The following COX7B2 variants were observed in gnomAD, a reference collection of about 807,000 sequenced individuals.
The protein encoded by COX7B2 is cytochrome c oxidase subunit 7B2.
For synonymous variants in COX7B2, 37 were observed against 32.1 expected (o/e 1.15, Z -0.51); for missense variants, 109 against 95.9 (o/e 1.14, Z -0.57).
chr4:46,769,069 C>T (rs974400692), intron 2 of COX7B2, among the ~76,000 whole-genome samples: 1 of 152,006 alleles, frequency 6.6e-6, no homozygotes, highest in Non-Finnish European at 1.5e-5. Context: ...ATCCTAGGAT[C>T]TGATCACTTT....
At chr4:46,794,555 G>A (rs1400390335) in intron 2 of COX7B2, among the ~76,000 whole-genome samples, 1 of 152,088 alleles carries the variant, frequency 6.6e-6, no homozygotes, top group Admixed American at 6.6e-5. Flanking sequence ...GGGAGCCCCA[G>A]CATCCTTAAA....
At chr4:46,891,733 T>C (rs1719439962) in intron 1 of COX7B2, among the ~76,000 whole-genome samples, 1 of 152,170 alleles carries the variant, frequency 6.6e-6, no homozygotes, top group African/African-American at 2.4e-5. Context: ...TTCAAACCTG[T>C]GTCACTAGGC....
chr4:46,789,187 T>C (rs1717905283), intron 2 of COX7B2, among the ~76,000 whole-genome samples: 1 of 152,174 alleles, frequency 6.6e-6, no homozygotes, highest in African/African-American at 2.4e-5. Context: ...AGCTAGTGTA[T>C]AGATTATCAA....
chr4:46,845,071 G>A (rs1716180118), intron 1 of COX7B2, 57 bp from the exon 2 acceptor site: 1 of 151,980 alleles, frequency 6.6e-6, no homozygotes, highest in Non-Finnish European at 1.5e-5. Context: ...GAAAAAGCCA[G>A]AGGTAAGTAC....
chr4:46,817,769 G>A (rs1719631390), intron 2 of COX7B2, among the ~76,000 whole-genome samples: 1 of 152,156 alleles, frequency 6.6e-6, no homozygotes. Context: ...CGGGACAGCT[G>A]AAAGAAGGGC....
chr4:46,798,989 A>G (rs1369243169), intron 2 of COX7B2, among the ~76,000 whole-genome samples: 3 of 152,136 alleles, frequency 2.0e-5, no homozygotes, highest in African/African-American at 7.2e-5. Flanking sequence ...TACTCTTGAT[A>G]TATCTGGCTC....
At chr4:46,893,009 T>A (rs990607447) in intron 1 of COX7B2, among the ~76,000 whole-genome samples, 2 of 152,192 alleles carry the variant, frequency 1.3e-5, no homozygotes, top group African/African-American at 4.8e-5. Context: ...TCTGCCATGA[T>A]TGTAAGTTTC....
intron 2 of COX7B2, among the ~76,000 whole-genome samples, chr4:46,816,564 CTTG>C (rs1033729287): frequency 2.0e-5 from 3 of 152,132 alleles, no homozygotes; most frequent in East Asian, 1.9e-4. Context: ...TTGTCTGAAA[CTTG>C]TTATCCCCTG....
chr4:46,759,102 G>A (rs1024518111), intron 2 of COX7B2, among the ~76,000 whole-genome samples: 2 of 152,010 alleles, frequency 1.3e-5, no homozygotes, highest in Non-Finnish European at 2.9e-5. Context: ...TAGACCCATA[G>A]AATTAAATGT....
At chr4:46,767,529 T>G (rs1716615345) in intron 2 of COX7B2, among the ~76,000 whole-genome samples, 1 of 152,116 alleles carries the variant, frequency 6.6e-6, no homozygotes, top group African/African-American at 2.4e-5. Context: ...TACAGAACAT[T>G]CTATCCAAGA....
intron 2 of COX7B2, among the ~76,000 whole-genome samples, chr4:46,842,209 C>G (rs750370336): frequency 1.9e-4 from 29 of 152,018 alleles, no homozygotes; most frequent in Non-Finnish European, 4.0e-4. Flanking sequence ...AATAAATGCC[C>G]AAAGCAATTC....
intron 2 of COX7B2, among the ~76,000 whole-genome samples, chr4:46,792,024 A>C (rs2109588395): frequency 6.6e-6 from 1 of 152,314 alleles, no homozygotes; most frequent in Middle Eastern, 3.4e-3. Context: ...TTCAGCTATC[A>C]CAAGATCCTA....
At chr4:46,772,762 G>A (rs1402753273) in intron 2 of COX7B2, among the ~76,000 whole-genome samples, 1 of 152,010 alleles carries the variant, frequency 6.6e-6, no homozygotes, top group Non-Finnish European at 1.5e-5. Context: ...GGTTTCAGAT[G>A]ATCAAATCAT....
chr4:46,790,122 T>C (rs1404546483), intron 2 of COX7B2, among the ~76,000 whole-genome samples: 1 of 152,180 alleles, frequency 6.6e-6, no homozygotes, highest in East Asian at 1.9e-4. Flanking sequence ...CATATCTTTA[T>C]ACCATGATGT....
chr4:46,842,088 A>G (rs1399300040), intron 2 of COX7B2, among the ~76,000 whole-genome samples: 4 of 152,170 alleles, frequency 2.6e-5, no homozygotes, highest in South Asian at 2.1e-4. Flanking sequence ...GAAGCCTTCA[A>G]GTTCACTAAC....
chr4:46,763,080 T>C (rs1024689326), intron 2 of COX7B2, among the ~76,000 whole-genome samples: 17 of 130,280 alleles, frequency 1.3e-4, no homozygotes, highest in African/African-American at 4.3e-4. Context: ...ATAATATATA[T>C]TACATATTAT....
chr4:46,893,013 A>C (rs1719532044), intron 1 of COX7B2, among the ~76,000 whole-genome samples: 1 of 152,122 alleles, frequency 6.6e-6, no homozygotes, highest in Admixed American at 6.5e-5. Flanking sequence ...CCATGATTGT[A>C]AGTTTCCTGA....
intron 1 of COX7B2, among the ~76,000 whole-genome samples, chr4:46,883,738 C>G (rs1444444371): frequency 6.6e-6 from 1 of 150,876 alleles, no homozygotes; most frequent in Non-Finnish European, 1.5e-5. Context: ...CCAGCCTGGG[C>G]GACAGAGTGA....
intron 2 of COX7B2, among the ~76,000 whole-genome samples, chr4:46,739,349 CAAAA>C (rs1714566230): frequency 6.8e-6 from 1 of 147,468 alleles, no homozygotes; most frequent in African/African-American, 2.6e-5. Context: ...CAAACCAAAA[CAAAA>C]CAAAACAAAA....
Sources: allele counts gnomAD v4.1 joint callset (sites outside exome capture counted in the v4.1 genomes callset), GRCh38; gene constraint gnomAD v4.1.1; transcripts MANE v1.5; gene names NCBI Gene and HGNC (gene_info 2026-07-23, HGNC 2026-07-21).